The following FOXN3 variants were observed in gnomAD, a reference collection of about 807,000 sequenced individuals.
The protein encoded by FOXN3 is forkhead box protein N3.
In FOXN3, 7 loss-of-function variants were observed where a neutral mutation model predicts 38.4. The ratio of observed to expected loss-of-function variants is 0.18; its 90% CI spans 0.10 to 0.34. The LOEUF is 0.34. Among genes scored for constraint, FOXN3 ranks in the 10% least tolerant of loss-of-function variants. The pLI, the probability that FOXN3 is intolerant of heterozygous loss-of-function variation, is 1.00. For synonymous variants in FOXN3, 230 were observed against 242.2 expected, an observed-to-expected ratio of 0.95 and a Z score of 0.47; for missense variants, 456 against 613.4, an observed-to-expected ratio of 0.74 and a Z score of 2.71.
At chr14:89,242,158 G>A (rs1330495230) in intron 4 of FOXN3, among the ~76,000 whole-genome samples, 1 of 152,180 alleles carries the variant, frequency 6.6e-6, no homozygotes, top group East Asian at 1.9e-4. Flanking sequence ...AGAAAACAAA[G>A]AGAACACAGA....
At chr14:89,501,062 A>T (rs560105943) in intron 1 of FOXN3, among the ~76,000 whole-genome samples, 2 of 152,334 alleles carry the variant, frequency 1.3e-5, no homozygotes, top group East Asian at 3.9e-4. Flanking sequence ...CCTCCACGGG[A>T]TCGTGTCGCC....
Position 89,162,710 on chromosome 14 carries a change from T to C in FOXN3, c.1111A>G (p.Thr371Ala), listed in dbSNP as rs1417110097. The C allele has an allele frequency of 3.1e-6, 5 of 1,614,098 alleles. No homozygotes were observed. Among genetic ancestry groups the C allele is most frequent in the Middle Eastern group, 1.6e-4 (1 of 6,062 alleles). ...SFRSHESPSD[T>A]EEDDRKHSQK... ...CTGTGCTTCCTGTCGTCCTCTTCCG[T>C]GTCGCTGGGGCTCTCGTGGCTCCGG... The change falls in exon 6 of 6, where the codon ACG becomes GCG. Residue 371 changes from threonine to alanine, a missense_variant. Around this residue, in one of 3 missense-constraint regions of FOXN3, gnomAD observed 386 missense variants for 505.2 expected, o/e 0.76. Transcript: ENST00000557258. The surrounding 1 kb of genome is among the most constrained non-coding windows in gnomAD (Gnocchi z 7.2).
In FOXN3 at chr14:89,360,794, C is replaced by T. The variant is rs377441154; in HGVS notation, c.544-9986G>A. Among the ~76,000 whole-genome samples the T allele has an allele frequency of 9.8e-3, 717 of 73,072 alleles. 12 individuals are homozygous for T. Among genetic ancestry groups the T allele is most frequent in the Middle Eastern group, 0.034 (4 of 116 alleles). 47.9% of individuals were successfully genotyped at this position (73,072 alleles called of 152,430 possible). A position where few individuals can be genotyped will look rare whatever the true frequency, so the allele number is the denominator to read the frequency against. ...CCACCTCCACCACCACCTCCACCAC[C>T]ACCACCTCCAGCACCACCTCCACCA... On this transcript the variant is annotated intron_variant, in intron 2 of 5. Coordinates refer to ENST00000557258, the MANE Select transcript of FOXN3 (RefSeq NM_005197.4).
At chr14:89,576,640 G>C (rs888039972) in intron 1 of FOXN3, 1 of 151,960 alleles carries the variant, frequency 6.6e-6, no homozygotes, top group Admixed American at 6.6e-5. Context: ...TGCAGAATTA[G>C]AAGGGTGGCC....
At chr14:89,417,286 C>CAGAGCGG (rs1891770895), upstream of FOXN3, 1 of 147,496 alleles carries the variant, frequency 6.8e-6, no homozygotes, top group South Asian at 2.1e-4. Flanking sequence ...GAGGGAGGGA[C>CAGAGCGG]AGAGCGGAGG....
chr14:89,284,926 C>A (rs565774856), intron 3 of FOXN3, among the ~76,000 whole-genome samples: 1 of 152,254 alleles, frequency 6.6e-6, no homozygotes, highest in South Asian at 2.1e-4. Context: ...CAGTAATTCC[C>A]GGATCCCACA....
At position 89,312,336 on chromosome 14, in the gene FOXN3, A is replaced by C. The variant is rs151309837; in HGVS notation, c.681-31322T>G. Among the ~76,000 whole-genome samples, 58 of 151,144 alleles carry C rather than the reference A, an allele frequency of 3.8e-4. 1 individual carries two copies. The highest frequency in any genetic ancestry group is 3.4e-3 in the Middle Eastern group (1 of 292). ...GCCCTCGGACTAAAAACTGGGCCTT[A>C]AGAGAAGAATACAGCTGGCCAATCC... On this transcript the variant is annotated intron_variant, in intron 3 of 5. Coordinates refer to ENST00000557258, the MANE Select transcript of FOXN3 (RefSeq NM_005197.4).
intron 1 of FOXN3, among the ~76,000 whole-genome samples, chr14:89,572,472 G>T (rs1279427863): frequency 6.6e-6 from 1 of 152,200 alleles, no homozygotes; most frequent in African/African-American, 2.4e-5. Context: ...GGCAGCCCGA[G>T]AATCGCCCAG....
intron 1 of FOXN3, among the ~76,000 whole-genome samples, chr14:89,427,570 G>T (rs971468046): frequency 6.7e-6 from 1 of 149,652 alleles, no homozygotes; most frequent in African/African-American, 2.5e-5. Flanking sequence ...CACCTGCCTC[G>T]GCCTTCCAAA....
At chr14:89,497,752 T>G (rs1893715546) in intron 1 of FOXN3, among the ~76,000 whole-genome samples, 1 of 152,150 alleles carries the variant, frequency 6.6e-6, no homozygotes, top group Admixed American at 6.6e-5. Context: ...TTTGGGAATA[T>G]ACCAGAAGTG....
chr14:89,604,269 A>G (rs1040447413), intron 1 of FOXN3, among the ~76,000 whole-genome samples: 4 of 152,188 alleles, frequency 2.6e-5, no homozygotes, highest in African/African-American at 9.6e-5. Flanking sequence ...GCGCGCACAC[A>G]CACAGAGAGA....
chr14:89,469,680 C>A (rs1207600978), intron 1 of FOXN3, among the ~76,000 whole-genome samples: 2 of 152,184 alleles, frequency 1.3e-5, no homozygotes, highest in Non-Finnish European at 1.5e-5. Context: ...ATGAACGGAG[C>A]AGGAGCTGAT....
intron 1 of FOXN3, among the ~76,000 whole-genome samples, chr14:89,556,258 CT>C (rs1895121235): frequency 6.6e-6 from 1 of 152,082 alleles, no homozygotes; most frequent in African/African-American, 2.4e-5. Context: ...ACAATATTAG[CT>C]GGGCATGGTG....
intron 2 of FOXN3, among the ~76,000 whole-genome samples, chr14:89,386,336 G>A (rs907650031): frequency 2.0e-5 from 3 of 152,242 alleles, no homozygotes; most frequent in Admixed American, 1.3e-4. Flanking sequence ...GAAAGCAGGA[G>A]CACTGGAGTC....
chr14:89,425,062 C>CTTTTTTTTTTTTTTTTTTTTTTTT (rs3994032), intron 1 of FOXN3, among the ~76,000 whole-genome samples: 1 of 104,220 alleles, frequency 9.6e-6, no homozygotes, highest in African/African-American at 3.8e-5. Context: ...GTTTTCTTTT[C>CTTTTTTTTTTTTTTTTTTTTTTTT]TTTTTTTTTT....
intron 1 of FOXN3, among the ~76,000 whole-genome samples, chr14:89,471,265 C>G (rs1596287644): frequency 1.3e-5 from 2 of 152,144 alleles, no homozygotes; most frequent in Non-Finnish European, 1.5e-5. Context: ...AGAGCTGAAG[C>G]CACCCTACCT....
At chr14:89,249,196 G>A (rs958220416) in intron 4 of FOXN3, among the ~76,000 whole-genome samples, 3 of 152,170 alleles carry the variant, frequency 2.0e-5, no homozygotes, top group South Asian at 4.1e-4. Flanking sequence ...CAGTGGAAAG[G>A]AACATTCTAG....
At chr14:89,255,685 C>T (rs952771097) in intron 4 of FOXN3, among the ~76,000 whole-genome samples, 10 of 152,294 alleles carry the variant, frequency 6.6e-5, no homozygotes, top group East Asian at 1.9e-4. Context: ...ACCCAAGGCC[C>T]TTGCTCCTGG....
intron 1 of FOXN3, among the ~76,000 whole-genome samples, chr14:89,571,759 C>T (rs1384057161): frequency 6.6e-6 from 1 of 152,104 alleles, no homozygotes; most frequent in Non-Finnish European, 1.5e-5. Context: ...GGCCTTCAGG[C>T]TATAGTTTGC....
Sources: allele counts gnomAD v4.1 joint callset (sites outside exome capture counted in the v4.1 genomes callset), GRCh38; gene constraint gnomAD v4.1.1; regional missense constraint gnomAD v4.1.1; non-coding constraint Gnocchi (gnomAD v3.1); transcripts MANE v1.5; gene names NCBI Gene and HGNC (gene_info 2026-07-23, HGNC 2026-07-21).